Variants in CPLANE1 observed in about 807,000 individuals in gnomAD.
The protein encoded by CPLANE1 is ciliogenesis and planar polarity effector complex subunit 1, also known as ciliogenesis and planar polarity effector 1.
In CPLANE1, 263 loss-of-function variants were observed where a neutral mutation model predicts 362.5. The observed-to-expected ratio is 0.73, with a 90% CI of 0.66 to 0.80. The LOEUF is 0.80. Ranked by LOEUF, CPLANE1 falls within the 30% of genes least tolerant of loss-of-function variation. The pLI is 0.00. For missense variants in CPLANE1, 3,461 were observed against 3,793.4 expected, an observed-to-expected ratio of 0.91 and a Z score of 2.30; for synonymous variants, 1,212 against 1,302.6, an observed-to-expected ratio of 0.93 and a Z score of 1.50.
chr5:37,145,027 C>T (rs1451827661), intron 43 of CPLANE1, among the ~76,000 whole-genome samples: 11 of 151,896 alleles, frequency 7.2e-5, no homozygotes, highest in Admixed American at 5.2e-4. Flanking sequence ...TATCAGAGGC[C>T]GGGCGTGGTG....
intron 46 of CPLANE1, among the ~76,000 whole-genome samples, chr5:37,131,653 C>T (rs1211274289): frequency 6.6e-6 from 1 of 152,030 alleles, no homozygotes; most frequent in Admixed American, 6.6e-5. Flanking sequence ...GCCTCAGCCT[C>T]CGAAGTAGAT....
chr5:37,129,844 A>T (rs1183512224), intron 46 of CPLANE1, among the ~76,000 whole-genome samples: 1 of 152,200 alleles, frequency 6.6e-6, no homozygotes, highest in Non-Finnish European at 1.5e-5. Context: ...GATATTCCTT[A>T]AAGAACTAAA....
chr5:37,096,576 A>G, the CPLANE1 span, among the ~76,000 whole-genome samples: 1 of 152,232 alleles, frequency 6.6e-6, no homozygotes, highest in Non-Finnish European at 1.5e-5. Flanking sequence ...TAAACTGAAG[A>G]GCTTTTGCAT....
chr5:37,227,254 C>T lies in CPLANE1; in HGVS notation c.1510G>A (p.Ala504Thr). Residue 504 changes from alanine to threonine, a missense_variant, in exon 11 of 53, where the codon GCA (alanine) becomes ACA (threonine). Ala to Thr is a moderately conservative substitution (Grantham distance 58). Coordinates refer to ENST00000651892, the MANE Select transcript of CPLANE1 (RefSeq NM_001384732.1). ...QAEETINENA[A>T]DFQDFEAEET... is the part of the protein sequence containing the mutation. ...CTGCTGCTAAGTACCTGAAAATCTG[C>T]TGCATTTTCATTTATTGTTTCTTCT... 6.4e-7 allele frequency: 1 copy of T among 1,551,002 alleles called. No homozygotes were observed. The highest frequency in any genetic ancestry group is 8.7e-7 in the Non-Finnish European group (1 of 1,146,790).
chr5:37,170,356 G>C (rs749064133), intron 32 of CPLANE1, 25 bp from the exon 33 acceptor site: 14 of 1,585,962 alleles, frequency 8.8e-6, no homozygotes, highest in Non-Finnish European at 1.2e-5. Flanking sequence ...AAATTGAAGC[G>C]ATATCTTAAA....
At chr5:37,137,788 GC>G (rs927583110) in intron 46 of CPLANE1, among the ~76,000 whole-genome samples, 15 of 152,132 alleles carry the variant, frequency 9.9e-5, no homozygotes, top group African/African-American at 3.6e-4. Flanking sequence ...ACAGGAAGGG[GC>G]AAACTGTCCC....
At position 37,173,860 on chromosome 5, in the gene CPLANE1, A is replaced by G. The variant is rs1780447078; in HGVS notation, c.6066T>C (p.Ala2022=). 3 of 1,614,002 alleles carry G rather than the reference A, an allele frequency of 1.9e-6. No individual in the cohort carries two copies. The highest frequency in any genetic ancestry group is 2.5e-6 in the Non-Finnish European group (3 of 1,180,020). ...TTCTCTGGGTCTTCTGAGGTGTTGG[A>G]GCAGGTGGTTGTGAAGCAACATTGA... ...NGVNVASQPP[A]PTPQKTQRNE... is the part of the protein sequence containing the mutation. Residue 2022 remains alanine, a synonymous_variant, in exon 32 of 53, where the codon GCT becomes GCC. Transcript: ENST00000651892.
chr5:37,134,287 G>C (rs2150293517), intron 46 of CPLANE1, among the ~76,000 whole-genome samples: 1 of 152,146 alleles, frequency 6.6e-6, no homozygotes, highest in Admixed American at 6.5e-5. Context: ...ATTGGTTGGT[G>C]GGTTTTTTAT....
chr5:37,114,780 A>G (rs1163150717), intron 51 of CPLANE1, among the ~76,000 whole-genome samples, 180 bp downstream of exon 51: 1 of 151,924 alleles, frequency 6.6e-6, no homozygotes, highest in East Asian at 1.9e-4. Context: ...GGCACCTGTA[A>G]TCCCAGCTAC....
chr5:37,198,207 A>G (rs1788101849), intron 20 of CPLANE1, among the ~76,000 whole-genome samples: 1 of 152,222 alleles, frequency 6.6e-6, no homozygotes, highest in Non-Finnish European at 1.5e-5. Context: ...GCTGAAGTCA[A>G]TATAGAAGGG....
intron 8 of CPLANE1, among the ~76,000 whole-genome samples, chr5:37,237,813 G>A (rs1799357004): frequency 6.6e-6 from 1 of 152,040 alleles, no homozygotes; most frequent in Non-Finnish European, 1.5e-5. Flanking sequence ...TCACACCACT[G>A]CACTCCAGCC....
the CPLANE1 span, among the ~76,000 whole-genome samples, chr5:37,092,384 C>T: frequency 6.6e-6 from 1 of 152,234 alleles, no homozygotes; most frequent in East Asian, 1.9e-4. Context: ...GCCTTAGCTA[C>T]AGGTAGCCTC....
At chr5:37,208,623 G>A (rs1791543406) in intron 16 of CPLANE1, among the ~76,000 whole-genome samples, 1 of 151,198 alleles carries the variant, frequency 6.6e-6, no homozygotes, top group East Asian at 2.0e-4. Context: ...CTTGCAGTGA[G>A]CCGAGACTGC....
chr5:37,203,399 T>C (rs1789771614), intron 18 of CPLANE1, among the ~76,000 whole-genome samples: 1 of 152,224 alleles, frequency 6.6e-6, no homozygotes, highest in African/African-American at 2.4e-5. Context: ...TGTTATTCCA[T>C]TTTAAAGATA....
intron 21 of CPLANE1, among the ~76,000 whole-genome samples, chr5:37,193,777 C>T (rs1416987162): frequency 5.3e-5 from 8 of 151,792 alleles, no homozygotes; most frequent in Admixed American, 2.0e-4. Context: ...CTTGTTCTGC[C>T]GCCCGGGCTG....
intron 42 of CPLANE1, 94 bp from the exon 43 acceptor site, chr5:37,148,362 ATGC>A: frequency 1.2e-6 from 1 of 839,020 alleles, no homozygotes; most frequent in Admixed American, 2.8e-5. Flanking sequence ...ACTTGCATTA[ATGC>A]AAAAGTGAAA....
intron 16 of CPLANE1, among the ~76,000 whole-genome samples, chr5:37,208,682 C>CAA (rs1561609080): frequency 1.7e-5 from 2 of 117,944 alleles, no homozygotes; most frequent in Non-Finnish European, 3.6e-5. Flanking sequence ...GTCTCCCCCC[C>CAA]CCCCCAAAAA....
At chr5:37,089,305 C>T in the CPLANE1 span, among the ~76,000 whole-genome samples, 1 of 152,168 alleles carries the variant, frequency 6.6e-6, no homozygotes, top group Non-Finnish European at 1.5e-5. Context: ...TATACAACCT[C>T]TAATCATGGC....
chr5:37,143,901 C>T (rs1166617152), intron 43 of CPLANE1, among the ~76,000 whole-genome samples: 1 of 147,946 alleles, frequency 6.8e-6, no homozygotes, highest in African/African-American at 2.5e-5. Flanking sequence ...TGCCATTGCA[C>T]TCCAGCCTGG....
Sources: allele counts gnomAD v4.1 joint callset (sites outside exome capture counted in the v4.1 genomes callset), GRCh38; gene constraint gnomAD v4.1.1; transcripts MANE v1.5; gene names NCBI Gene and HGNC (gene_info 2026-07-23, HGNC 2026-07-21).